The following NRXN3 variants were observed in gnomAD, a reference collection of about 807,000 sequenced individuals.
The protein encoded by NRXN3 is neurexin III.
Under a neutral mutation model 137.6 loss-of-function variants are expected in NRXN3, and 32 were observed. The ratio of observed to expected loss-of-function variants is 0.23; its 90% CI spans 0.18 to 0.31. The LOEUF is 0.31. NRXN3 is among the 10% of genes least tolerant of loss of function. NRXN3 has a pLI of 1.00. For missense variants in NRXN3, 1,574 were observed against 2,062.5 expected (o/e 0.76, Z 4.59); for synonymous variants, 798 against 784.5 (o/e 1.02, Z -0.29).
intron 4 of NRXN3, among the ~76,000 whole-genome samples, chr14:78,629,911 A>G (rs2097503841): frequency 6.6e-6 from 1 of 152,252 alleles, no homozygotes; most frequent in Non-Finnish European, 1.5e-5. Context: ...AAAAACCAAA[A>G]TGCCAAATTT....
chr14:79,711,778 G>C (rs1161933104), intron 19 of NRXN3, among the ~76,000 whole-genome samples: 1 of 152,206 alleles, frequency 6.6e-6, no homozygotes, highest in Non-Finnish European at 1.5e-5. Context: ...CCAAGGTCAA[G>C]CCCCTTCCTG....
intron 15 of NRXN3, among the ~76,000 whole-genome samples, chr14:79,452,116 T>A (rs1278856675): frequency 1.3e-5 from 2 of 151,256 alleles, no homozygotes; most frequent in East Asian, 3.9e-4. Context: ...AAGTATCCCA[T>A]CATTAAAAAA....
intron 2 of NRXN3, among the ~76,000 whole-genome samples, chr14:78,265,706 C>A (rs927438699): frequency 6.6e-6 from 1 of 152,168 alleles, no homozygotes; most frequent in Non-Finnish European, 1.5e-5. Context: ...AAAGCAATGA[C>A]CTGGGATGCA....
chr14:78,228,157 C>CTTTTTT (rs1156767557), intron 1 of NRXN3, among the ~76,000 whole-genome samples: 2 of 130,488 alleles, frequency 1.5e-5, no homozygotes, highest in Admixed American at 7.8e-5. Context: ...AATTTTCTTT[C>CTTTTTT]TTTTTTTTTT....
chr14:78,952,159 A>G (rs2099388355), intron 10 of NRXN3, among the ~76,000 whole-genome samples: 1 of 151,964 alleles, frequency 6.6e-6, no homozygotes, highest in African/African-American at 2.4e-5. Flanking sequence ...AGCCTTAAGT[A>G]CTCCAGTAAG....
intron 16 of NRXN3, among the ~76,000 whole-genome samples, chr14:79,626,277 C>G (rs2098280547): frequency 6.6e-6 from 1 of 151,702 alleles, no homozygotes; most frequent in Admixed American, 6.6e-5. Flanking sequence ...CAAGAAGAGC[C>G]AGAGCTAGAT....
intron 4 of NRXN3, among the ~76,000 whole-genome samples, chr14:78,355,264 A>G (rs2084111575): frequency 6.6e-6 from 1 of 152,034 alleles, no homozygotes; most frequent in Non-Finnish European, 1.5e-5. Context: ...TTGTTCCCTT[A>G]TCTCTCCCTT....
intron 10 of NRXN3, among the ~76,000 whole-genome samples, chr14:78,938,741 T>A (rs1332911379): frequency 1.3e-5 from 2 of 152,188 alleles, no homozygotes; most frequent in South Asian, 4.1e-4. Context: ...TTGAAATAGA[T>A]GTTGCATATC....
At chr14:79,073,268 T>C (rs1227088667) in intron 15 of NRXN3, among the ~76,000 whole-genome samples, 5 of 152,178 alleles carry the variant, frequency 3.3e-5, no homozygotes, top group Admixed American at 2.6e-4. Flanking sequence ...TACTTGGTAA[T>C]GTAGAAACTA....
chr14:79,674,525 T>C (rs1403401905), intron 17 of NRXN3, among the ~76,000 whole-genome samples: 1 of 152,052 alleles, frequency 6.6e-6, no homozygotes, highest in Non-Finnish European at 1.5e-5. Flanking sequence ...AAGGGTCAAC[T>C]CTGAGATTCC....
At chr14:79,457,930 C>T (rs2096278358) in intron 15 of NRXN3, among the ~76,000 whole-genome samples, 1 of 152,118 alleles carries the variant, frequency 6.6e-6, no homozygotes, top group African/African-American at 2.4e-5. Flanking sequence ...AAGGAATGCA[C>T]TTCTGAAAAA....
At chr14:78,574,256 G>A (rs1047605112) in intron 4 of NRXN3, among the ~76,000 whole-genome samples, 1 of 152,260 alleles carries the variant, frequency 6.6e-6, no homozygotes, top group African/African-American at 2.4e-5. Flanking sequence ...GAAGGGAAAT[G>A]TGGGGTCTGA....
intron 4 of NRXN3, among the ~76,000 whole-genome samples, chr14:78,379,247 C>T (rs2088564646): frequency 1.3e-5 from 2 of 152,120 alleles, no homozygotes; most frequent in Non-Finnish European, 2.9e-5. Context: ...GGAGAAATCT[C>T]TTCCCTATTT....
chr14:78,434,013 G>A (rs369221051), intron 4 of NRXN3, among the ~76,000 whole-genome samples: 3 of 152,114 alleles, frequency 2.0e-5, no homozygotes, highest in African/African-American at 7.2e-5. Context: ...TCATAGCTTA[G>A]CCCAGCCTAC....
chr14:78,464,003 A>G (rs1314513794), intron 4 of NRXN3, among the ~76,000 whole-genome samples: 1 of 151,452 alleles, frequency 6.6e-6, no homozygotes, highest in African/African-American at 2.4e-5. Flanking sequence ...GCCTATTTAT[A>G]TATTTTTTAA....
chr14:78,475,264 A>T lies in NRXN3; in HGVS notation c.758-169856A>T, dbSNP rs7493371. On this transcript the variant is annotated intron_variant, in intron 4 of 20. Transcript: ENST00000335750. ...CAGATGATAAGCTCTTAGAGGTAGG[A>T]CCTATATGCTATTTAATTTTGCAAC... Among the ~76,000 whole-genome samples the T allele has an allele frequency of 6.8e-3, 1,033 of 152,168 alleles. 42 individuals are homozygous for T. Among genetic ancestry groups the T allele is most frequent in the Admixed American group, 0.046 (710 of 15,294 alleles).
chr14:79,327,264 T>G (rs1404309333), intron 15 of NRXN3, among the ~76,000 whole-genome samples: 2 of 152,176 alleles, frequency 1.3e-5, no homozygotes, highest in African/African-American at 2.4e-5. Flanking sequence ...ATTACTCACT[T>G]GAATCTCTTT....
intron 4 of NRXN3, among the ~76,000 whole-genome samples, chr14:78,397,206 C>G (rs2091549092): frequency 1.3e-5 from 2 of 152,176 alleles, no homozygotes; most frequent in Non-Finnish European, 2.9e-5. Context: ...TTTGATGTCT[C>G]TTACCACAGT....
intron 4 of NRXN3, among the ~76,000 whole-genome samples, chr14:78,345,465 A>G (rs558534626): frequency 4.6e-5 from 7 of 152,312 alleles, no homozygotes; most frequent in Non-Finnish European, 7.3e-5. Context: ...AGAAGATAAA[A>G]TTAATGATTT....
Sources: allele counts gnomAD v4.1 joint callset (sites outside exome capture counted in the v4.1 genomes callset), GRCh38; gene constraint gnomAD v4.1.1; transcripts MANE v1.5; gene names NCBI Gene and HGNC (gene_info 2026-07-23, HGNC 2026-07-21).